Variants in RBFOX1 observed in about 807,000 individuals in gnomAD.
The protein encoded by RBFOX1 is RNA binding fox-1 homolog 1.
A neutral mutation model predicts 57.7 loss-of-function variants in RBFOX1; 8 were observed. The observed-to-expected ratio is 0.14, with a 90% CI of 0.08 to 0.25. The LOEUF (loss-of-function observed/expected upper bound fraction) is 0.25. RBFOX1 is among the 10% of genes least tolerant of loss of function. The pLI is 1.00. For missense variants in RBFOX1, 611 were observed against 548.5 expected (o/e 1.11, Z -1.14); for synonymous variants, 326 against 222.4 (o/e 1.47, Z -4.15).
At chr16:7,021,412 T>C (rs1322641432) in intron 3 of RBFOX1, among the ~76,000 whole-genome samples, 2 of 146,514 alleles carry the variant, frequency 1.4e-5, no homozygotes, top group African/African-American at 2.5e-5. Flanking sequence ...GTTTTATGTA[T>C]GTTTTTTATA....
intron 3 of RBFOX1, among the ~76,000 whole-genome samples, chr16:6,782,114 C>T (rs1170136557): frequency 6.6e-6 from 1 of 152,122 alleles, no homozygotes; most frequent in Non-Finnish European, 1.5e-5. Context: ...TCACGTGATT[C>T]TCCTGCCTCA....
chr16:7,590,939 TGA>T (rs1474893672), intron 7 of RBFOX1, among the ~76,000 whole-genome samples: 8 of 151,538 alleles, frequency 5.3e-5, no homozygotes, highest in African/African-American at 1.9e-4. Context: ...CTGCATTTCA[TGA>T]GAGCCAACCA....
chr16:7,283,130 T>G (rs1201757765), intron 4 of RBFOX1, among the ~76,000 whole-genome samples: 1 of 152,150 alleles, frequency 6.6e-6, no homozygotes, highest in Non-Finnish European at 1.5e-5. Flanking sequence ...GTGGGATTGT[T>G]GGATCAAATG....
chr16:5,548,814 A>C (rs1241708065), intron 2 of RBFOX1, among the ~76,000 whole-genome samples: 3 of 152,158 alleles, frequency 2.0e-5, no homozygotes, highest in African/African-American at 4.8e-5. Context: ...ACCTTCTCTC[A>C]GTGAAAACAC....
At chr16:7,135,237 T>C (rs914717654) in intron 4 of RBFOX1, among the ~76,000 whole-genome samples, 2 of 152,152 alleles carry the variant, frequency 1.3e-5, no homozygotes, top group Non-Finnish European at 2.9e-5. Context: ...TCTAGGAATT[T>C]TTTTGTTGTT....
At chr16:6,173,090 C>A (rs568313160) in intron 1 of RBFOX1, among the ~76,000 whole-genome samples, 17 of 152,248 alleles carry the variant, frequency 1.1e-4, no homozygotes, top group South Asian at 4.1e-4. Flanking sequence ...ATATTAGGCC[C>A]ACCTGGATAA....
intron 3 of RBFOX1, among the ~76,000 whole-genome samples, chr16:6,788,862 C>T (rs1401834352): frequency 6.6e-6 from 1 of 152,130 alleles, no homozygotes; most frequent in East Asian, 1.9e-4. Flanking sequence ...CGCCTCACTT[C>T]TGAGAAATAC....
At chr16:6,967,731 T>C (rs2084592701) in intron 3 of RBFOX1, among the ~76,000 whole-genome samples, 3 of 152,064 alleles carry the variant, frequency 2.0e-5, no homozygotes, top group Admixed American at 2.0e-4. Flanking sequence ...TCTTCTTTAA[T>C]TGTTTGTGCC....
intron 10 of RBFOX1, among the ~76,000 whole-genome samples, chr16:7,611,783 C>G (rs147173757): frequency 2.6e-5 from 4 of 152,152 alleles, no homozygotes; most frequent in South Asian, 2.1e-4. Context: ...GCATTGAGAA[C>G]GTTCTAATGT....
At chr16:6,402,238 C>G (rs1447136262) in intron 2 of RBFOX1, among the ~76,000 whole-genome samples, 1 of 152,176 alleles carries the variant, frequency 6.6e-6, no homozygotes, top group African/African-American at 2.4e-5. Context: ...ATGACCCTGA[C>G]ATTCATCCCC....
chr16:6,937,412 T>A lies in RBFOX1; in HGVS notation c.-15-114645T>A, dbSNP rs1166304450. The stretch of plus-strand genomic sequence containing the variant: ...CTTATTAATGTAGACTTTTTTTTTA[T>A]AGTTTTCTATGTGTTGGCCATTCAG... On this transcript the variant is annotated intron_variant, in intron 3 of 15. Transcript: ENST00000550418. Among the ~76,000 whole-genome samples the A allele has an allele frequency of 2.6e-5, 4 of 152,136 alleles. No individual in the cohort carries two copies. In the East Asian group the frequency reaches 7.7e-4, roughly 29 times the overall value.
chr16:6,388,616 A>G (rs2152928808), intron 2 of RBFOX1, among the ~76,000 whole-genome samples: 1 of 152,312 alleles, frequency 6.6e-6, no homozygotes, highest in South Asian at 2.1e-4. Flanking sequence ...GGTTCCCACC[A>G]GTAACCTCAG....
At chr16:7,490,906 A>T (rs529546019) in intron 4 of RBFOX1, among the ~76,000 whole-genome samples, 1 of 152,284 alleles carries the variant, frequency 6.6e-6, no homozygotes, top group South Asian at 2.1e-4. Flanking sequence ...CAGCCTAAGG[A>T]TACATAGATT....
At chr16:6,385,325 T>G (rs1489190500) in intron 2 of RBFOX1, among the ~76,000 whole-genome samples, 1 of 152,202 alleles carries the variant, frequency 6.6e-6, no homozygotes, top group East Asian at 1.9e-4. Flanking sequence ...ATTTAACCTC[T>G]CTTGCCTCAG....
At chr16:6,639,091 A>G (rs887856) in intron 2 of RBFOX1, among the ~76,000 whole-genome samples, 124,431 of 152,190 alleles carry the variant, frequency 0.82, 52,683 homozygotes, top group Middle Eastern at 0.97. Flanking sequence ...AGCAGCAGCC[A>G]TTTCTTGCAA....
chr16:7,525,404 G>A (rs1462389651), intron 5 of RBFOX1, among the ~76,000 whole-genome samples: 2 of 152,276 alleles, frequency 1.3e-5, no homozygotes, highest in Non-Finnish European at 2.9e-5. Flanking sequence ...CTACAGTACA[G>A]AGCTAGGTAC....
At chr16:6,949,245 A>T (rs536407160) in intron 3 of RBFOX1, among the ~76,000 whole-genome samples, 1 of 152,334 alleles carries the variant, frequency 6.6e-6, no homozygotes, top group South Asian at 2.1e-4. Flanking sequence ...AAGCACCTTC[A>T]TCAACAAGAA....
rs149722034 is a variant in RBFOX1, at chr16:5,401,870, T to C, written c.220-65346T>C. 3.3e-3 allele frequency among the ~76,000 whole-genome samples: 499 copies of C among 152,184 alleles called. 2 individuals are homozygous for C. The highest frequency in any genetic ancestry group is 4.8e-3 in the Non-Finnish European group (325 of 68,006). ...CTGTCTCTGTCTCTCGTCATCGTCG[T>C]CGTCATTTCTGTCTCTGTCTCTCTT... On this transcript the variant is annotated intron_variant, in intron 1 of 2. Transcript: ENST00000585867.
intron 3 of RBFOX1, among the ~76,000 whole-genome samples, chr16:7,029,579 C>G (rs1027444459): frequency 1.3e-5 from 2 of 152,048 alleles, no homozygotes; most frequent in Non-Finnish European, 2.9e-5. Flanking sequence ...AGGAGAGTAA[C>G]TTGGACATGA....
Sources: allele counts gnomAD v4.1 joint callset (sites outside exome capture counted in the v4.1 genomes callset), GRCh38; gene constraint gnomAD v4.1.1; transcripts MANE v1.5; gene names NCBI Gene and HGNC (gene_info 2026-07-23, HGNC 2026-07-21).